USP36: variants seen among roughly 807,000 people sequenced by gnomAD.
USP36 encodes the protein ubiquitin specific peptidase 36, also known as ubiquitin carboxyl-terminal hydrolase 36.
A neutral mutation model predicts 111.5 loss-of-function variants in USP36; 59 were observed. The ratio of observed to expected loss-of-function variants is 0.53; its 90% confidence interval spans 0.43 to 0.66. The LOEUF is 0.66. USP36 is among the 30% of genes least tolerant of loss of function. USP36 has a pLI of 0.00. For missense variants in USP36, 1,488 were observed against 1,468.0 expected (o/e 1.01, Z -0.22); for synonymous variants, 628 against 581.0 (o/e 1.08, Z -1.16).
At chr17:78,819,432 T>C (rs1021570276) in intron 9 of USP36, among the ~76,000 whole-genome samples, 3 of 152,088 alleles carry the variant, frequency 2.0e-5, no homozygotes, top group African/African-American at 7.2e-5. Flanking sequence ...AATGACAAAG[T>C]AAGAGTTCTA....
At chr17:78,791,436 G>A (rs947337574), downstream of USP36, among the ~76,000 whole-genome samples, 1 of 152,108 alleles carries the variant, frequency 6.6e-6, no homozygotes, top group African/African-American at 2.4e-5. Flanking sequence ...TCTTTTTATA[G>A]GAAGTCATGA....
At chr17:78,815,063 G>A (rs2094148033) in intron 10 of USP36, among the ~76,000 whole-genome samples, 1 of 152,172 alleles carries the variant, frequency 6.6e-6, no homozygotes, top group East Asian at 1.9e-4. Context: ...GCCAGGTGCG[G>A]TGGCTCACGC....
intron 4 of USP36, among the ~76,000 whole-genome samples, chr17:78,833,713 A>G (rs1487084688): frequency 6.6e-6 from 1 of 152,152 alleles, no homozygotes; most frequent in Non-Finnish European, 1.5e-5. Flanking sequence ...AACATCCTGC[A>G]TTCCTAGGAT....
intron 6 of USP36, among the ~76,000 whole-genome samples, chr17:78,825,802 C>T (rs2067484911): frequency 6.6e-6 from 1 of 152,190 alleles, no homozygotes. Context: ...GCTGCACTCC[C>T]CCTGCAGGTG....
In USP36 at chr17:78,821,411, TATATATA is replaced by T. The variant is rs1466019522; in HGVS notation, c.758-357_758-351del. 1.9e-3 allele frequency: 129 copies of T among 67,484 alleles called. 1 individual carries two copies. Among genetic ancestry groups the T allele is most frequent in the Non-Finnish European group, 2.9e-3 (109 of 37,694 alleles). 4.2% of individuals were successfully genotyped at this position (67,484 alleles called of 1,614,324 possible). A position where few individuals can be genotyped will look rare whatever the true frequency, so the allele number is the denominator to read the frequency against. On this transcript the variant is annotated intron_variant, in intron 7 of 20. Transcript: ENST00000449938. ...GAATATATATATATATATATATATA[TATATATA>T]TATTTTTTTTTTTTTTTTTTTTTTT...
chr17:78,822,188 T>C (rs1311372094), intron 6 of USP36, among the ~76,000 whole-genome samples, 184 bp from the exon 7 acceptor site: 2 of 151,998 alleles, frequency 1.3e-5, no homozygotes, highest in Non-Finnish European at 2.9e-5. Context: ...TGGCAGTCTC[T>C]CTGCAGAGCT....
chr17:78,832,907 C>T (rs563837961), intron 4 of USP36, among the ~76,000 whole-genome samples: 4 of 152,216 alleles, frequency 2.6e-5, no homozygotes, highest in African/African-American at 7.2e-5. Context: ...TCAGCACTTT[C>T]GGAGGCAGAG....
chr17:78,836,354 C>T lies in USP36; in HGVS notation c.10G>A (p.Val4Met). The T allele has an allele frequency of 6.2e-7, 1 of 1,614,046 alleles. No homozygotes were observed. The highest frequency in any genetic ancestry group is 8.5e-7 in the Non-Finnish European group (1 of 1,180,006). The change falls in exon 3 of 21, where the codon GTG (valine) becomes ATG (methionine). Residue 4 changes from valine to methionine, a missense_variant. Val to Met is a conservative substitution (Grantham distance 21). Coordinates refer to ENST00000449938, the MANE Select transcript of USP36 (RefSeq NM_001385174.1). MPI[V>M]DKLKEALKPG... is the part of the protein sequence containing the mutation. The stretch of plus-strand genomic sequence containing the variant: ...TTCAGGGCCTCCTTCAACTTATCCA[C>T]TATTGGCATGGTGCATCACTGTGGG...
At position 78,798,273 on chromosome 17, in the gene USP36, A is replaced by G; in HGVS notation, c.*20+127T>C. The G allele has an allele frequency of 7.8e-7, 1 of 1,287,262 alleles. No homozygotes were observed. The highest frequency in any genetic ancestry group is 2.5e-5 in the East Asian group (1 of 40,242). 79.7% of individuals were successfully genotyped at this position (1,287,262 alleles called of 1,614,324 possible). A position where few individuals can be genotyped will look rare whatever the true frequency, so the allele number is the denominator to read the frequency against. On this transcript the variant is annotated intron_variant, in intron 20 of 20. Transcript: ENST00000449938. The surrounding 1 kb of genome is among the most constrained non-coding windows in gnomAD (Gnocchi z 5.1). ...GCGCCCACACCACACACACCACCCAACACACATGTGCCAGATACACAGCCC... is the reference window on the plus strand; with the variant it reads ...GCGCCCACACCACACACACCACCCAGCACACATGTGCCAGATACACAGCCC...
intron 10 of USP36, among the ~76,000 whole-genome samples, chr17:78,818,154 A>G (rs2094231502): frequency 6.6e-6 from 1 of 152,210 alleles, no homozygotes; most frequent in Admixed American, 6.5e-5. Context: ...TCCATATTTC[A>G]TAAAAAGCCA....
chr17:78,815,922 A>G (rs1470415182), intron 10 of USP36, among the ~76,000 whole-genome samples: 6 of 151,982 alleles, frequency 3.9e-5, no homozygotes, highest in Admixed American at 3.3e-4. Flanking sequence ...GCATACGCAC[A>G]CATACACACA....
chr17:78,814,741 G>C (rs1190137809), intron 10 of USP36, among the ~76,000 whole-genome samples, 189 bp from the exon 11 acceptor site: 2 of 148,490 alleles, frequency 1.3e-5, no homozygotes, highest in Admixed American at 6.7e-5. Context: ...TCACCTCGAG[G>C]AGTTCGAGAT....
chr17:78,831,878 G>A (rs1481124620), intron 4 of USP36, among the ~76,000 whole-genome samples: 4 of 149,424 alleles, frequency 2.7e-5, no homozygotes. Flanking sequence ...GGGAGGTGGA[G>A]GTTGCAGTCA....
chr17:78,819,370 G>A (rs1039770203), intron 9 of USP36, among the ~76,000 whole-genome samples: 1 of 152,188 alleles, frequency 6.6e-6, no homozygotes, highest in Non-Finnish European at 1.5e-5. Context: ...TCAGGAGTTC[G>A]AGACCAGCCT....
At chr17:78,820,315 G>T (rs1268112624) in intron 8 of USP36, among the ~76,000 whole-genome samples, 3 of 152,104 alleles carry the variant, frequency 2.0e-5, no homozygotes, top group Non-Finnish European at 2.9e-5. Flanking sequence ...TCTCTGCAAA[G>T]AAATTTAAAA....
Position 78,835,300 on chromosome 17 carries a change from G to C in USP36, c.455C>G (p.Ser152Cys). The C allele has an allele frequency of 6.2e-7, 1 of 1,614,198 alleles. No individual in the cohort carries two copies. Among genetic ancestry groups the C allele is most frequent in the African/African-American group, 1.3e-5 (1 of 75,058 alleles). Residue 152 changes from serine to cysteine, a missense_variant, in exon 4 of 21, where the codon TCC becomes TGC. Physicochemically the swap from Ser to Cys is moderately radical, Grantham distance 112. Around this residue, in one of 3 missense-constraint regions of USP36, gnomAD observed 219 missense variants for 209.5 expected, o/e 1.05. Transcript: ENST00000449938. ...CTCACAGCTGCGAGCATGCTCCTTG[G>C]AGAGCAGGTAGTTGGCTAGAGGTGG... ...YTPPLANYLLSKEHARSCHQG... is the reference protein window; with the variant it reads ...YTPPLANYLLCKEHARSCHQG...
Position 78,790,432 on chromosome 17 carries a change from AG to A in USP36, c.*21-2775del, listed in dbSNP as rs1567896738. On this transcript the variant is annotated intron_variant, in intron 3 of 3. Transcript: ENST00000588130. ...CAGCCTCCCGAGTAGCTGGGACTAC[AG>A]GCGTGTGCCACGAGGCCCGGCTAAT... is the stretch of plus-strand genomic sequence containing the variant. Among the ~76,000 whole-genome samples the A allele has an allele frequency of 3.9e-5, 6 of 152,318 alleles. No individual in the cohort carries two copies. The South Asian group carries it at 1.2e-3, about 32-fold the overall frequency.
downstream of USP36, among the ~76,000 whole-genome samples, chr17:78,792,860 A>T (rs543687981): frequency 6.6e-6 from 1 of 152,116 alleles, no homozygotes; most frequent in African/African-American, 2.4e-5. Flanking sequence ...TTGGGATTAC[A>T]GGCACAGGCC....
intron 4 of USP36, 116 bp from the exon 5 acceptor site, chr17:78,829,123 G>A: frequency 1.3e-6 from 1 of 791,774 alleles, no homozygotes; most frequent in Non-Finnish European, 2.0e-6. Context: ...GAGCAAACCA[G>A]GCTGTGAGAG....
Sources: allele counts gnomAD v4.1 joint callset (sites outside exome capture counted in the v4.1 genomes callset), GRCh38; gene constraint gnomAD v4.1.1; regional missense constraint gnomAD v4.1.1; non-coding constraint Gnocchi (gnomAD v3.1); transcripts MANE v1.5; gene names NCBI Gene and HGNC (gene_info 2026-07-23, HGNC 2026-07-21).